The following USH2A variants were observed in gnomAD, a reference collection of about 807,000 sequenced individuals.
The protein encoded by USH2A is Usher syndrome 2A (autosomal recessive, mild).
Under a neutral mutation model 538.9 loss-of-function variants are expected in USH2A, and 443 were observed. The observed-to-expected ratio is 0.82, with a 90% CI of 0.76 to 0.89. The LOEUF (loss-of-function observed/expected upper bound fraction) is 0.89. Ranked by LOEUF, USH2A falls within the 40% of genes least tolerant of loss-of-function variation. USH2A has a pLI of 0.00. For missense variants in USH2A, 6,633 were observed against 6,324.8 expected (o/e 1.05, Z -1.65); for synonymous variants, 2,413 against 2,273.5 (o/e 1.06, Z -1.75).
At chr1:216,003,534 T>C (rs1318836001) in intron 32 of USH2A, among the ~76,000 whole-genome samples, 1 of 151,970 alleles carries the variant, frequency 6.6e-6, no homozygotes, top group Non-Finnish European at 1.5e-5. Flanking sequence ...GTAAAAGTTA[T>C]GGGAATTTTT....
intron 21 of USH2A, among the ~76,000 whole-genome samples, chr1:216,146,252 G>T (rs575630995): frequency 6.6e-6 from 1 of 151,958 alleles, no homozygotes. Context: ...TCCCTCAACC[G>T]CTTTCTCCTT....
chr1:215,979,645 A>T (rs970448066), intron 35 of USH2A, among the ~76,000 whole-genome samples: 1 of 152,136 alleles, frequency 6.6e-6, no homozygotes, highest in Non-Finnish European at 1.5e-5. Context: ...GGAATGCTGC[A>T]TTTCAGCAGT....
At chr1:215,862,664 T>C (rs1558132805) in intron 44 of USH2A, among the ~76,000 whole-genome samples, 1 of 152,222 alleles carries the variant, frequency 6.6e-6, no homozygotes, top group Non-Finnish European at 1.5e-5. Context: ...TAAAATGGTA[T>C]TGAAAGGACC....
chr1:215,954,717 T>C (rs1409494799), intron 37 of USH2A, among the ~76,000 whole-genome samples: 3 of 150,738 alleles, frequency 2.0e-5, no homozygotes, highest in Non-Finnish European at 4.4e-5. Context: ...AGTATAATAA[T>C]AATAAAAAAA....
At chr1:215,913,958 A>T (rs1296874088) in intron 38 of USH2A, among the ~76,000 whole-genome samples, 10 of 152,018 alleles carry the variant, frequency 6.6e-5, no homozygotes, top group African/African-American at 1.7e-4. Flanking sequence ...AAATATTTTT[A>T]AAAACATTTA....
intron 33 of USH2A, 111 bp downstream of exon 33, chr1:216,000,292 A>C: frequency 1.4e-6 from 2 of 1,419,294 alleles, no homozygotes; most frequent in Non-Finnish European, 2.0e-6. Flanking sequence ...AATCACTTCT[A>C]TGCATTTAAT....
intron 32 of USH2A, among the ~76,000 whole-genome samples, chr1:216,043,885 C>T (rs961510267): frequency 6.6e-6 from 1 of 152,062 alleles, no homozygotes; most frequent in Admixed American, 6.6e-5. Flanking sequence ...GTCTTAGTTT[C>T]TCTTCCCCTG....
At chr1:216,054,061 C>T (rs1430204029) in intron 30 of USH2A, among the ~76,000 whole-genome samples, 1 of 152,190 alleles carries the variant, frequency 6.6e-6, no homozygotes, top group East Asian at 1.9e-4. Context: ...TTGGGAATTC[C>T]TTGAACACAG....
chr1:215,808,860 C>T (rs1018018411), intron 49 of USH2A, among the ~76,000 whole-genome samples: 4 of 152,042 alleles, frequency 2.6e-5, no homozygotes, highest in Non-Finnish European at 1.5e-5. Flanking sequence ...CTGCTGTAAA[C>T]CCTCATGTAC....
rs754768875 is a variant in USH2A at position 216,086,749 on chromosome 1, G to A, written c.4957C>T (p.Arg1653Ter). 1.2e-5 allele frequency: 19 copies of A among 1,612,652 alleles called. No homozygotes were observed. The highest frequency in any genetic ancestry group is 6.7e-5 in the East Asian group (3 of 44,860). The change falls in exon 24 of 72, where the codon CGA becomes TGA. Residue 1653 changes from arginine (R) to a stop codon, truncating the protein, a stop_gained. Coordinates refer to ENST00000307340, the MANE Select transcript of USH2A (RefSeq NM_206933.4). LOFTEE classifies it high-confidence loss of function. Reference sequence around the variant, plus strand: ...TCCTTCCTGAGGATGGTATAACTTCGCGGGAGCCCTCCCAGAAAGACTCCT... The same window carrying A: ...TCCTTCCTGAGGATGGTATAACTTCACGGGAGCCCTCCCAGAAAGACTCCT... ...NTGVFLGGLP[R>*]SYTILRKDPE...
chr1:216,381,416 G>T (rs566394377), intron 3 of USH2A, among the ~76,000 whole-genome samples: 1 of 152,250 alleles, frequency 6.6e-6, no homozygotes, highest in Admixed American at 6.5e-5. Flanking sequence ...CGTGAGCATA[G>T]TGTTTATTTA....
chr1:216,259,165 C>T (rs1377908040), intron 11 of USH2A, among the ~76,000 whole-genome samples: 2 of 152,088 alleles, frequency 1.3e-5, no homozygotes, highest in South Asian at 2.1e-4. Context: ...AACTCCAAAA[C>T]ATAGCAGAAT....
intron 61 of USH2A, among the ~76,000 whole-genome samples, chr1:215,711,412 T>A (rs1170132484): frequency 6.6e-6 from 1 of 152,176 alleles, no homozygotes; most frequent in Admixed American, 6.6e-5. Context: ...AAACTGTCTT[T>A]CTGCTTTAGG....
intron 11 of USH2A, among the ~76,000 whole-genome samples, chr1:216,267,102 A>G (rs962853769): frequency 3.9e-5 from 6 of 152,074 alleles, no homozygotes; most frequent in African/African-American, 1.4e-4. Flanking sequence ...CACTCCAACA[A>G]TAAGTGTTCA....
intron 40 of USH2A, among the ~76,000 whole-genome samples, chr1:215,899,220 G>A (rs1233602746): frequency 6.6e-6 from 1 of 152,156 alleles, no homozygotes; most frequent in African/African-American, 2.4e-5. Context: ...GCTTTTGAAA[G>A]TCACTTAACG....
Position 215,927,414 on chromosome 1 carries a change from C to A in USH2A, c.7300+7202G>T, listed in dbSNP as rs1666262814. 2.0e-5 allele frequency among the ~76,000 whole-genome samples: 3 copies of A among 151,944 alleles called. No individual in the cohort carries two copies. In the South Asian group the frequency reaches 6.2e-4, roughly 32 times the overall value. The stretch of plus-strand genomic sequence containing the variant: ...GACTTATAAATACTAAATTAACACT[C>A]CAAGAAAACAACTTGGCCCTATATA... On this transcript the variant is annotated intron_variant, in intron 38 of 71. Coordinates refer to ENST00000307340, the MANE Select transcript of USH2A (RefSeq NM_206933.4).
chr1:216,023,581 C>T (rs1014982204), intron 32 of USH2A, among the ~76,000 whole-genome samples: 2 of 149,430 alleles, frequency 1.3e-5, no homozygotes, highest in Non-Finnish European at 3.0e-5. Flanking sequence ...TATACATACA[C>T]ACAAACCATA....
intron 4 of USH2A, among the ~76,000 whole-genome samples, chr1:216,343,875 G>T (rs565810093): frequency 1.3e-5 from 2 of 152,068 alleles, no homozygotes; most frequent in East Asian, 1.9e-4. Flanking sequence ...TGCAGTAAGG[G>T]TTTTATGCCA....
rs1423147193 is a variant in USH2A at position 215,674,710 on chromosome 1, C to A, written c.13201G>T (p.Gly4401Cys). The change falls in exon 63 of 72, where the codon GGC becomes TGC. Residue 4401 changes from glycine to cysteine, a missense_variant. Transcript: ENST00000307340. ...VRYDNKESLAGQGLCLLVSHL... is the reference protein window; with the variant it reads ...VRYDNKESLACQGLCLLVSHL... Reference sequence around the variant, plus strand: ...GAAACCAGCAGGCACAGGCCCTGGCCAGCAAGGGACTCTTTATTATCATAT... The same window carrying A: ...GAAACCAGCAGGCACAGGCCCTGGCAAGCAAGGGACTCTTTATTATCATAT... The A allele has an allele frequency of 6.2e-7, 1 of 1,614,008 alleles. No homozygotes were observed. Among genetic ancestry groups the A allele is most frequent in the Non-Finnish European group, 8.5e-7 (1 of 1,180,034 alleles).
Sources: gnomAD v4.1 joint callset for allele counts (sites outside exome capture counted in the v4.1 genomes callset) on GRCh38, gnomAD v4.1.1 for gene constraint, MANE v1.5 for transcripts, NCBI Gene and HGNC (gene_info 2026-07-23, HGNC 2026-07-21) for gene names.